PPP2R2B: variants seen among roughly 807,000 people sequenced by gnomAD.
The protein encoded by PPP2R2B is serine/threonine-protein phosphatase 2A 55 kDa regulatory subunit B beta isoform.
Under a neutral mutation model 46.0 loss-of-function variants are expected in PPP2R2B, and 5 were observed. That is an observed-to-expected ratio of 0.11 (90% CI 0.06 to 0.23). The LOEUF (loss-of-function observed/expected upper bound fraction) is 0.23. Ranked by LOEUF, PPP2R2B falls within the 10% of genes least tolerant of loss-of-function variation. PPP2R2B has a pLI of 1.00. For missense variants in PPP2R2B, 367 were observed against 575.0 expected (o/e 0.64, Z 3.70); for synonymous variants, 215 against 206.7 (o/e 1.04, Z -0.34).
intron 1 of PPP2R2B, among the ~76,000 whole-genome samples, chr5:146,976,981 A>G (rs962389772): frequency 3.3e-5 from 5 of 152,184 alleles, no homozygotes; most frequent in African/African-American, 1.2e-4. Context: ...CTCCTGTAGT[A>G]TAGCCCATTT....
intron 2 of PPP2R2B, among the ~76,000 whole-genome samples, chr5:146,807,978 T>C (rs1003686286): frequency 4.0e-5 from 6 of 151,710 alleles, no homozygotes; most frequent in African/African-American, 1.5e-4. Context: ...TTTTTGTATT[T>C]TTAGTAGAGA....
chr5:146,877,652 C>G (rs977192024), intron 2 of PPP2R2B, among the ~76,000 whole-genome samples: 1 of 152,184 alleles, frequency 6.6e-6, no homozygotes, highest in Non-Finnish European at 1.5e-5. Flanking sequence ...CTACTGGGCC[C>G]CTCCCTTCTT....
At chr5:146,974,714 G>A (rs966897794) in intron 1 of PPP2R2B, among the ~76,000 whole-genome samples, 3 of 147,102 alleles carry the variant, frequency 2.0e-5, no homozygotes, top group African/African-American at 7.6e-5. Flanking sequence ...TTTTGAGATG[G>A]AGTCTGGCTG....
At chr5:146,728,088 C>T (rs962614607) in intron 2 of PPP2R2B, among the ~76,000 whole-genome samples, 12 of 145,980 alleles carry the variant, frequency 8.2e-5, no homozygotes, top group Non-Finnish European at 1.5e-4. Flanking sequence ...AACTCACTCA[C>T]TTTAAAAAAC....
chr5:146,768,083 T>C (rs1478034350), intron 2 of PPP2R2B, among the ~76,000 whole-genome samples: 1 of 152,136 alleles, frequency 6.6e-6, no homozygotes, highest in Non-Finnish European at 1.5e-5. Context: ...GGTTTTCTTT[T>C]TTTTTTTTGA....
intron 1 of PPP2R2B, among the ~76,000 whole-genome samples, chr5:146,887,617 A>G (rs1460595537): frequency 6.6e-6 from 1 of 152,242 alleles, no homozygotes; most frequent in Admixed American, 6.5e-5. Flanking sequence ...ATGATACCAT[A>G]TAACAAACTC....
chr5:146,691,576 A>G (rs1778853695), intron 4 of PPP2R2B, among the ~76,000 whole-genome samples: 1 of 152,250 alleles, frequency 6.6e-6, no homozygotes, highest in South Asian at 2.1e-4. Context: ...CAATGTAACT[A>G]AGAATTTTAC....
intron 2 of PPP2R2B, among the ~76,000 whole-genome samples, chr5:147,077,457 A>G (rs1277755337): frequency 2.0e-5 from 3 of 152,208 alleles, no homozygotes; most frequent in East Asian, 1.9e-4. Flanking sequence ...AGAAAAAGCC[A>G]TTAATAGGAA....
chr5:147,069,211 GACCAC>G, intron 2 of PPP2R2B, among the ~76,000 whole-genome samples: 1 of 152,126 alleles, frequency 6.6e-6, no homozygotes, highest in East Asian at 1.9e-4. Flanking sequence ...GTGAACTTCA[GACCAC>G]AGACAGCATT....
chr5:146,661,916 G>A (rs886473754), intron 5 of PPP2R2B, among the ~76,000 whole-genome samples: 2 of 152,150 alleles, frequency 1.3e-5, no homozygotes, highest in Admixed American at 1.3e-4. Context: ...TACCCCAGTA[G>A]AGGAAAATTT....
intron 2 of PPP2R2B, among the ~76,000 whole-genome samples, chr5:146,737,963 A>C (rs1752638593): frequency 6.6e-6 from 1 of 151,778 alleles, no homozygotes; most frequent in African/African-American, 2.4e-5. Context: ...AAACAAAAAA[A>C]ACGTTGTTAG....
chr5:146,761,171 C>T (rs1355950453), intron 2 of PPP2R2B, among the ~76,000 whole-genome samples: 4 of 152,156 alleles, frequency 2.6e-5, no homozygotes, highest in African/African-American at 9.7e-5. Context: ...TGGATATATA[C>T]CCAAAGGATT....
intron 1 of PPP2R2B, among the ~76,000 whole-genome samples, chr5:146,908,398 G>T (rs1763070235): frequency 6.6e-6 from 1 of 152,014 alleles, no homozygotes; most frequent in Admixed American, 6.5e-5. Context: ...TAAGTTCTTG[G>T]TGTTTACTTA....
At chr5:146,942,514 C>A (rs1764352372) in intron 1 of PPP2R2B, among the ~76,000 whole-genome samples, 1 of 152,082 alleles carries the variant, frequency 6.6e-6, no homozygotes, top group East Asian at 1.9e-4. Flanking sequence ...TGCACTTGTG[C>A]AATTACTTCT....
chr5:146,774,703 G>A (rs1309073089), intron 2 of PPP2R2B, among the ~76,000 whole-genome samples: 1 of 151,788 alleles, frequency 6.6e-6, no homozygotes, highest in African/African-American at 2.4e-5. Context: ...AGTAGCCCCA[G>A]CTACTTGGGA....
At chr5:146,996,672 G>A (rs760736628) in intron 1 of PPP2R2B, among the ~76,000 whole-genome samples, 1 of 152,200 alleles carries the variant, frequency 6.6e-6, no homozygotes, top group Non-Finnish European at 1.5e-5. Flanking sequence ...AGTGGCAGGA[G>A]TAATGGAAAG....
At chr5:146,926,359 T>C (rs1470198452) in intron 1 of PPP2R2B, among the ~76,000 whole-genome samples, 1 of 152,122 alleles carries the variant, frequency 6.6e-6, no homozygotes, top group Non-Finnish European at 1.5e-5. Context: ...CTAAAATATA[T>C]ATACATTCCT....
intron 2 of PPP2R2B, among the ~76,000 whole-genome samples, chr5:146,780,842 A>G (rs1755465260): frequency 1.3e-5 from 2 of 152,010 alleles, no homozygotes; most frequent in Non-Finnish European, 2.9e-5. Flanking sequence ...TATTTGTGTC[A>G]TTTGATCACT....
intron 2 of PPP2R2B, among the ~76,000 whole-genome samples, chr5:146,877,103 T>A (rs1005867853): frequency 6.6e-6 from 1 of 151,292 alleles, no homozygotes; most frequent in Non-Finnish European, 1.5e-5. Context: ...AGGTAGAAAA[T>A]GAAAGCAAAA....
Sources: gnomAD v4.1 joint callset for allele counts (sites outside exome capture counted in the v4.1 genomes callset) on GRCh38, gnomAD v4.1.1 for gene constraint, MANE v1.5 for transcripts, NCBI Gene and HGNC (gene_info 2026-07-23, HGNC 2026-07-21) for gene names.